The following THSD7B variants were observed in gnomAD, a reference collection of about 807,000 sequenced individuals.
The protein encoded by THSD7B is thrombospondin type-1 domain-containing protein 7B.
In THSD7B, 138 loss-of-function variants were observed where a neutral mutation model predicts 213.6. The ratio of observed to expected loss-of-function variants is 0.65; its 90% confidence interval spans 0.56 to 0.74. The LOEUF (loss-of-function observed/expected upper bound fraction) is 0.74. THSD7B is among the 30% of genes least tolerant of loss of function. The pLI is 0.00. For synonymous variants in THSD7B, 742 were observed against 687.0 expected, an observed-to-expected ratio of 1.08 and a Z score of -1.25; for missense variants, 1,931 against 1,991.5, an observed-to-expected ratio of 0.97 and a Z score of 0.58.
intron 2 of THSD7B, among the ~76,000 whole-genome samples, chr2:137,022,638 CTT>C (rs68006016): frequency 4.7e-5 from 7 of 149,304 alleles, no homozygotes; most frequent in African/African-American, 1.2e-4. Flanking sequence ...TTCCTTTTAA[CTT>C]TTTTTTTTGA....
chr2:137,298,068 GT>G (rs2104842391), intron 12 of THSD7B, among the ~76,000 whole-genome samples: 2 of 152,274 alleles, frequency 1.3e-5, no homozygotes, highest in African/African-American at 4.8e-5. Flanking sequence ...ATGTGGGAAA[GT>G]TTGGAACCTC....
intron 1 of THSD7B, among the ~76,000 whole-genome samples, chr2:136,860,017 T>TTTA (rs1491378151): frequency 9.9e-3 from 14 of 1,412 alleles, no homozygotes; most frequent in Admixed American, 0.025. Context: ...CAATTCATGA[T>TTTA]TTTTTTTTTT....
chr2:137,098,105 GA>G (rs1461670983), intron 4 of THSD7B, among the ~76,000 whole-genome samples: 2 of 152,098 alleles, frequency 1.3e-5, no homozygotes, highest in Non-Finnish European at 2.9e-5. Flanking sequence ...ATCTATTAGG[GA>G]ACAGAAATTC....
chr2:137,359,042 A>T (rs1429157903), intron 12 of THSD7B, among the ~76,000 whole-genome samples: 6 of 152,244 alleles, frequency 3.9e-5, no homozygotes, highest in Non-Finnish European at 7.3e-5. Context: ...TTATCTGTAG[A>T]TGTCAAATCT....
chr2:136,852,969 TCA>T (rs1276194640), intron 1 of THSD7B, among the ~76,000 whole-genome samples: 1 of 152,164 alleles, frequency 6.6e-6, no homozygotes, highest in Non-Finnish European at 1.5e-5. Flanking sequence ...TTCCTATCAC[TCA>T]GTTTCCCTAA....
intron 14 of THSD7B, among the ~76,000 whole-genome samples, chr2:137,436,749 C>CA (rs901982241): frequency 1.3e-5 from 2 of 152,192 alleles, no homozygotes; most frequent in African/African-American, 2.4e-5. Flanking sequence ...AACAATAACA[C>CA]AAAAAAATTA....
Position 137,664,350 on chromosome 2 carries a change from C to T in THSD7B, c.4651+775C>T, listed in dbSNP as rs147306429. On this transcript the variant is annotated intron_variant, in intron 26 of 27. Transcript: ENST00000409968. Reference sequence around the variant, plus strand: ...TTTCAAAGTTAGACCTTACTGGACCCATGGCTTACACACACCTGTTTTGTG... The same window carrying T: ...TTTCAAAGTTAGACCTTACTGGACCTATGGCTTACACACACCTGTTTTGTG... Among the ~76,000 whole-genome samples the T allele has an allele frequency of 1.9e-3, 286 of 152,246 alleles. 2 individuals carry two copies. Among genetic ancestry groups the T allele is most frequent in the African/African-American group, 6.4e-3 (264 of 41,546 alleles).
chr2:137,657,408 G>T (rs1683258201), intron 24 of THSD7B, among the ~76,000 whole-genome samples: 1 of 152,148 alleles, frequency 6.6e-6, no homozygotes, highest in Non-Finnish European at 1.5e-5. Context: ...TAAATATCAT[G>T]ATCTGAGATA....
intron 2 of THSD7B, among the ~76,000 whole-genome samples, chr2:137,032,253 T>C (rs1483144077): frequency 1.3e-5 from 2 of 152,082 alleles, no homozygotes; most frequent in African/African-American, 2.4e-5. Flanking sequence ...AAAAATGCCG[T>C]TTAGTGTTGA....
At chr2:137,181,495 T>C (rs534983748) in intron 7 of THSD7B, among the ~76,000 whole-genome samples, 2 of 152,288 alleles carry the variant, frequency 1.3e-5, no homozygotes, top group South Asian at 4.1e-4. Context: ...ATGACAGATG[T>C]TGGCCTAACA....
intron 12 of THSD7B, among the ~76,000 whole-genome samples, chr2:137,402,032 C>T (rs1249619935): frequency 1.3e-5 from 2 of 152,132 alleles, no homozygotes; most frequent in East Asian, 3.8e-4. Context: ...AATGTGTGTA[C>T]ATATACTTGC....
chr2:137,441,002 A>G (rs769857171), intron 14 of THSD7B, among the ~76,000 whole-genome samples: 1 of 152,134 alleles, frequency 6.6e-6, no homozygotes, highest in South Asian at 2.1e-4. Flanking sequence ...TGCTATTTAA[A>G]GAGCAGATTC....
At chr2:137,435,391 CAATT>C (rs1409380293) in intron 14 of THSD7B, among the ~76,000 whole-genome samples, 1 of 152,102 alleles carries the variant, frequency 6.6e-6, no homozygotes, top group Non-Finnish European at 1.5e-5. Flanking sequence ...ATATTGGAAG[CAATT>C]AAAATATTTT....
At chr2:137,451,225 C>T (rs886952692) in intron 15 of THSD7B, among the ~76,000 whole-genome samples, 1 of 151,976 alleles carries the variant, frequency 6.6e-6, no homozygotes, top group Non-Finnish European at 1.5e-5. Context: ...CTGAGACAAA[C>T]TTGGTATCCT....
In THSD7B at chr2:137,593,366, AT is replaced by A. The variant is rs1302278302; in HGVS notation, c.3423+20814del. Among the ~76,000 whole-genome samples, 5 of 152,112 alleles carry A rather than the reference AT, an allele frequency of 3.3e-5. No homozygotes were observed. The East Asian group carries it at 9.6e-4, about 29-fold the overall frequency. ...AAGCAGTTTTCAAAGTTATAGTGCC[AT>A]TTTACACTATTTACAACAACGTAGG... On this transcript the variant is annotated intron_variant, in intron 17 of 27. Coordinates refer to ENST00000409968, the MANE Select transcript of THSD7B (RefSeq NM_001316349.2).
rs369961354 is a variant in THSD7B at position 137,200,552 on chromosome 2, C to T, written c.1723+29614C>T. 3.3e-5 allele frequency among the ~76,000 whole-genome samples: 5 copies of T among 152,058 alleles called. No individual in the cohort carries two copies. The East Asian group carries it at 9.6e-4, about 29-fold the overall frequency. ...CCCTGAATGAATTTTTAAATGCAAA[C>T]ACACATGTGCCTAGTACTCACATAA... On this transcript the variant is annotated intron_variant, in intron 7 of 27. Coordinates refer to ENST00000409968, the MANE Select transcript of THSD7B (RefSeq NM_001316349.2).
chr2:136,916,617 C>T, intron 2 of THSD7B, among the ~76,000 whole-genome samples: 1 of 152,198 alleles, frequency 6.6e-6, no homozygotes, highest in South Asian at 2.1e-4. Context: ...AGTCCAAGTG[C>T]ATGATATAGA....
At chr2:136,896,308 G>A (rs1683958660) in intron 2 of THSD7B, among the ~76,000 whole-genome samples, 1 of 152,038 alleles carries the variant, frequency 6.6e-6, no homozygotes, top group South Asian at 2.1e-4. Flanking sequence ...GTTTTAATTT[G>A]CATTTCACTA....
intron 2 of THSD7B, among the ~76,000 whole-genome samples, chr2:136,941,965 T>C (rs1192180735): frequency 6.6e-6 from 1 of 152,186 alleles, no homozygotes. Flanking sequence ...TCTTCTAGGG[T>C]TTTTATGGTT....
Sources: allele counts gnomAD v4.1 joint callset (sites outside exome capture counted in the v4.1 genomes callset), GRCh38; gene constraint gnomAD v4.1.1; transcripts MANE v1.5; gene names NCBI Gene and HGNC (gene_info 2026-07-23, HGNC 2026-07-21).